PCDH7: variants seen among roughly 807,000 people sequenced by gnomAD.
PCDH7 encodes protocadherin 7.
Under a neutral mutation model 58.9 loss-of-function variants are expected in PCDH7, and 17 were observed. That is an observed-to-expected ratio of 0.29 (90% CI 0.20 to 0.43). The LOEUF (loss-of-function observed/expected upper bound fraction) is 0.43. Ranked by LOEUF, PCDH7 falls within the 20% of genes least tolerant of loss-of-function variation. The pLI, the probability that PCDH7 is intolerant of heterozygous loss-of-function variation, is 1.00. For synonymous variants in PCDH7, 664 were observed against 616.4 expected, an observed-to-expected ratio of 1.08 and a Z score of -1.14; for missense variants, 1,274 against 1,441.0, an observed-to-expected ratio of 0.88 and a Z score of 1.88.
chr4:30,888,101 C>T (rs1337813532), intron 1 of PCDH7, among the ~76,000 whole-genome samples: 6 of 152,090 alleles, frequency 3.9e-5, no homozygotes, highest in Non-Finnish European at 7.4e-5. Context: ...GTCTCGAACC[C>T]CTGACCTCAT....
rs963537938 is a variant in PCDH7, at chr4:30,746,906, T to C, written c.70+22310T>C. Among the ~76,000 whole-genome samples, 3 of 152,128 alleles carry C rather than the reference T, an allele frequency of 2.0e-5. No homozygotes were observed. In the East Asian group the frequency reaches 5.8e-4, roughly 29 times the overall value. On this transcript the variant is annotated intron_variant, in intron 1 of 3. Transcript: ENST00000509759. Reference sequence around the variant, plus strand: ...AATAGGTTTTCCTTGCACTGGCCTATCCCCATGTGAGGATTTCGAAATATA... The same window carrying C: ...AATAGGTTTTCCTTGCACTGGCCTACCCCCATGTGAGGATTTCGAAATATA...
intron 3 of PCDH7, among the ~76,000 whole-genome samples, chr4:31,052,141 A>T (rs1336391476): frequency 6.6e-6 from 1 of 152,062 alleles, no homozygotes; most frequent in Non-Finnish European, 1.5e-5. Flanking sequence ...TGTTTAAGGC[A>T]TTAGAGAAGT....
chr4:31,063,860 C>T (rs1350371818), intron 3 of PCDH7, among the ~76,000 whole-genome samples: 1 of 151,778 alleles, frequency 6.6e-6, no homozygotes, highest in African/African-American at 2.4e-5. Context: ...TTATAAATGT[C>T]CCCATTTTAT....
At chr4:30,760,035 T>G (rs1201036483) in intron 1 of PCDH7, among the ~76,000 whole-genome samples, 1 of 151,760 alleles carries the variant, frequency 6.6e-6, no homozygotes, top group Non-Finnish European at 1.5e-5. Flanking sequence ...GCATGAAACA[T>G]AAACACATAT....
intron 3 of PCDH7, among the ~76,000 whole-genome samples, chr4:31,101,495 A>G (rs1714887061): frequency 6.6e-6 from 1 of 152,138 alleles, no homozygotes; most frequent in Non-Finnish European, 1.5e-5. Flanking sequence ...CCTCTTTGCA[A>G]TAAGCATACT....
chr4:30,961,014 CGTT>C (rs1560535907), intron 3 of PCDH7, among the ~76,000 whole-genome samples: 1 of 152,034 alleles, frequency 6.6e-6, no homozygotes, highest in Non-Finnish European at 1.5e-5. Context: ...GAAGAAAAGA[CGTT>C]GTTGTTATTT....
rs1274160791 is a variant in PCDH7 at position 30,857,970 on chromosome 4, AAC to A, written c.71-62179_71-62178del. Among the ~76,000 whole-genome samples the A allele has an allele frequency of 3.3e-5, 5 of 152,288 alleles. No homozygotes were observed. The East Asian group carries it at 9.7e-4, about 29-fold the overall frequency. ...TATGCTTTGTGCACAAATTTAAGATAACACAGAATTAAGTAAAGAATAAAAAT... is the reference window on the plus strand; with the variant it reads ...TATGCTTTGTGCACAAATTTAAGATAACAGAATTAAGTAAAGAATAAAAAT... On this transcript the variant is annotated intron_variant, in intron 1 of 3. Transcript: ENST00000509759.
chr4:30,834,333 A>G (rs1232744011), intron 1 of PCDH7, among the ~76,000 whole-genome samples: 2 of 152,196 alleles, frequency 1.3e-5, no homozygotes, highest in African/African-American at 2.4e-5. Context: ...CATAAATTGT[A>G]TCATTGCTCC....
chr4:31,142,410 A>G (rs1720374333), intron 3 of PCDH7, 63 bp from the exon 3 acceptor site: 2 of 1,243,494 alleles, frequency 1.6e-6, no homozygotes, highest in Admixed American at 2.6e-5. Context: ...CTAATTTCAT[A>G]TAGATCAGGG....
At chr4:30,948,223 C>A (rs1198253615) in intron 2 of PCDH7, among the ~76,000 whole-genome samples, 1 of 151,794 alleles carries the variant, frequency 6.6e-6, no homozygotes, top group Non-Finnish European at 1.5e-5. Flanking sequence ...TAATAATCTA[C>A]CCTTCTTAAA....
At chr4:30,910,422 G>A (rs1741576923) in intron 1 of PCDH7, among the ~76,000 whole-genome samples, 2 of 152,154 alleles carry the variant, frequency 1.3e-5, no homozygotes, top group Admixed American at 6.6e-5. Flanking sequence ...CTATCCATCT[G>A]ACAAAGGGCT....
intron 1 of PCDH7, among the ~76,000 whole-genome samples, chr4:30,899,776 G>T (rs1739969413): frequency 6.6e-6 from 1 of 151,920 alleles, no homozygotes; most frequent in South Asian, 2.1e-4. Flanking sequence ...TGGGGTGGGG[G>T]TGAGGTGGGC....
At chr4:31,031,547 C>A (rs548617866) in intron 3 of PCDH7, among the ~76,000 whole-genome samples, 1 of 152,044 alleles carries the variant, frequency 6.6e-6, no homozygotes, top group South Asian at 2.1e-4. Flanking sequence ...TGAATGGATG[C>A]GGACAGATGT....
chr4:31,114,060 C>CA (rs573010925), intron 3 of PCDH7, among the ~76,000 whole-genome samples: 4 of 152,028 alleles, frequency 2.6e-5, no homozygotes, highest in Non-Finnish European at 5.9e-5. Flanking sequence ...TCTTGAAATC[C>CA]TGACCTCAGG....
chr4:31,078,639 A>ATATTT (rs1288681221), intron 3 of PCDH7, among the ~76,000 whole-genome samples: 2 of 73,566 alleles, frequency 2.7e-5, no homozygotes, highest in African/African-American at 5.2e-5. Flanking sequence ...ACCATGCCCC[A>ATATTT]TTTTTTTTTT....
intron 1 of PCDH7, among the ~76,000 whole-genome samples, chr4:30,862,341 G>A (rs2109355159): frequency 6.6e-6 from 1 of 152,250 alleles, no homozygotes; most frequent in African/African-American, 2.4e-5. Context: ...ACAGGAAGCA[G>A]AATTGTCAGA....
chr4:30,944,347 A>G (rs1578374200), intron 2 of PCDH7, among the ~76,000 whole-genome samples: 2 of 152,206 alleles, frequency 1.3e-5, no homozygotes, highest in East Asian at 3.9e-4. Context: ...TCAGCATATA[A>G]TGAATTTATT....
chr4:30,960,800 A>G (rs1011495534), intron 3 of PCDH7, among the ~76,000 whole-genome samples: 2 of 152,204 alleles, frequency 1.3e-5, no homozygotes, highest in African/African-American at 2.4e-5. Context: ...GTTATGCAAT[A>G]TGAGATGAGA....
At chr4:30,754,542 G>C (rs887485403) in intron 1 of PCDH7, among the ~76,000 whole-genome samples, 1 of 152,078 alleles carries the variant, frequency 6.6e-6, no homozygotes, top group Non-Finnish European at 1.5e-5. Flanking sequence ...GGAAATATTA[G>C]TTGGAAACAA....
Sources: allele counts gnomAD v4.1 joint callset (sites outside exome capture counted in the v4.1 genomes callset), GRCh38; gene constraint gnomAD v4.1.1; transcripts MANE v1.5; gene names NCBI Gene and HGNC (gene_info 2026-07-23, HGNC 2026-07-21).